Variants in EPHA6 observed in about 807,000 individuals in gnomAD.
EPHA6 encodes ephrin type-A receptor 6.
EPHA6 carries 50 observed loss-of-function variants against 112.0 expected under a neutral mutation model. The observed-to-expected ratio is 0.45, with a 90% CI of 0.36 to 0.56. EPHA6 has a LOEUF of 0.56. Among genes scored for constraint, EPHA6 ranks in the 20% least tolerant of loss-of-function variants. EPHA6 has a pLI of 0.00. For synonymous variants in EPHA6, 529 were observed against 490.7 expected (o/e 1.08, Z -1.03); for missense variants, 1,280 against 1,417.4 (o/e 0.90, Z 1.56).
chr3:96,877,724 C>T (rs2037057673), intron 2 of EPHA6, among the ~76,000 whole-genome samples: 1 of 150,522 alleles, frequency 6.6e-6, no homozygotes, highest in African/African-American at 2.4e-5. Context: ...AAAATCGATT[C>T]TTAAAATGAA....
At chr3:96,903,876 T>G (rs1048348613) in intron 2 of EPHA6, among the ~76,000 whole-genome samples, 2 of 152,092 alleles carry the variant, frequency 1.3e-5, no homozygotes, top group African/African-American at 4.8e-5. Flanking sequence ...TCACTGGCCA[T>G]CAGAGAAATG....
At chr3:97,460,634 G>A (rs2090855994) in intron 7 of EPHA6, among the ~76,000 whole-genome samples, 2 of 152,188 alleles carry the variant, frequency 1.3e-5, no homozygotes, top group South Asian at 4.1e-4. Context: ...TGCAGACATT[G>A]CCCCTGGCCA....
At chr3:97,577,479 A>G (rs2093397490) in intron 11 of EPHA6, among the ~76,000 whole-genome samples, 1 of 152,026 alleles carries the variant, frequency 6.6e-6, no homozygotes, top group African/African-American at 2.4e-5. Flanking sequence ...ACATCTAAGC[A>G]TCAGGCATTG....
chr3:96,959,775 CAAAA>C (rs372333198), intron 2 of EPHA6, among the ~76,000 whole-genome samples: 195 of 149,230 alleles, frequency 1.3e-3, no homozygotes, highest in African/African-American at 4.7e-3. Context: ...AACAGAAAAA[CAAAA>C]AAAATCAAAA....
At chr3:97,085,950 C>CTATATATATATATATATATATAT (rs2046885999) in intron 3 of EPHA6, among the ~76,000 whole-genome samples, 1 of 107,562 alleles carries the variant, frequency 9.3e-6, no homozygotes, top group Admixed American at 1.0e-4. Context: ...TATATATATA[C>CTATATATATATATATATATATAT]ACACTGAGAT....
intron 2 of EPHA6, among the ~76,000 whole-genome samples, chr3:96,937,704 T>C (rs2107675107): frequency 6.6e-6 from 1 of 152,264 alleles, no homozygotes; most frequent in South Asian, 2.1e-4. Flanking sequence ...CTGAATGGTA[T>C]TGCCTAGGTT....
rs553166701 is a variant in EPHA6, at chr3:97,496,576, C to A, written c.2200+12517C>A. Among the ~76,000 whole-genome samples the A allele has an allele frequency of 5.3e-5, 8 of 152,270 alleles. No individual in the cohort carries two copies. In the East Asian group the frequency reaches 1.4e-3, roughly 26 times the overall value. ...CCTTTATATTTATGAAGCCATACTT[C>A]TATAAGAATATCTTCTTCTGGCACT... On this transcript the variant is annotated intron_variant, in intron 10 of 17. Transcript: ENST00000389672.
intron 3 of EPHA6, among the ~76,000 whole-genome samples, chr3:97,093,311 G>T (rs1304765432): frequency 1.3e-5 from 2 of 152,154 alleles, no homozygotes; most frequent in African/African-American, 4.8e-5. Flanking sequence ...CATCTTGGGA[G>T]GCTGAGGTGG....
Position 97,226,319 on chromosome 3 carries a change from T to C in EPHA6, c.1170T>C (p.Cys390=), listed in dbSNP as rs2078355043. The part of the protein sequence containing the change: ...AFAGNTKCSK[C]PPHSLTYMEA... ...CTGGGAACACAAAATGTTCTAAATGTCCTCCACACAGTTTAACATACATGG... is the reference window on the plus strand; with the variant it reads ...CTGGGAACACAAAATGTTCTAAATGCCCTCCACACAGTTTAACATACATGG... The change falls in exon 4 of 18, where the codon TGT becomes TGC. Residue 390 remains cysteine, a synonymous_variant. Coordinates refer to ENST00000389672, the MANE Select transcript of EPHA6 (RefSeq NM_001080448.3). 1.9e-6 allele frequency: 3 copies of C among 1,613,168 alleles called. No individual in the cohort carries two copies. The highest frequency in any genetic ancestry group is 1.7e-5 in the Admixed American group (1 of 59,946).
chr3:96,873,665 C>A (rs1308862441), intron 2 of EPHA6, among the ~76,000 whole-genome samples: 2 of 152,030 alleles, frequency 1.3e-5, no homozygotes, highest in Non-Finnish European at 2.9e-5. Flanking sequence ...CTTTACATGA[C>A]ATTGTTGCTA....
At chr3:96,943,444 T>A (rs1366670680) in intron 2 of EPHA6, among the ~76,000 whole-genome samples, 1 of 152,178 alleles carries the variant, frequency 6.6e-6, no homozygotes, top group African/African-American at 2.4e-5. Flanking sequence ...CACAAAGATT[T>A]TTAATATCCT....
intron 12 of EPHA6, among the ~76,000 whole-genome samples, chr3:97,593,052 C>T (rs998924790): frequency 6.6e-6 from 1 of 152,112 alleles, no homozygotes; most frequent in Non-Finnish European, 1.5e-5. Flanking sequence ...ACTTCAGACA[C>T]TTTGCCACTT....
At chr3:97,171,329 ACT>A (rs1328527241) in intron 3 of EPHA6, among the ~76,000 whole-genome samples, 6 of 152,178 alleles carry the variant, frequency 3.9e-5, no homozygotes, top group Non-Finnish European at 8.8e-5. Context: ...TAAAGCTTAA[ACT>A]TTTTTGAATC....
At chr3:97,536,605 G>C (rs1190321286) in intron 11 of EPHA6, among the ~76,000 whole-genome samples, 1 of 152,146 alleles carries the variant, frequency 6.6e-6, no homozygotes, top group Non-Finnish European at 1.5e-5. Context: ...AATATTGTGG[G>C]TTCCTTCTGG....
chr3:97,124,366 T>C (rs1056875088), intron 3 of EPHA6, among the ~76,000 whole-genome samples: 1 of 151,852 alleles, frequency 6.6e-6, no homozygotes, highest in Non-Finnish European at 1.5e-5. Flanking sequence ...GAGTATTTTA[T>C]TAAGGATTTT....
At chr3:96,963,707 A>AAAGTGGTGG (rs2042026081) in intron 2 of EPHA6, among the ~76,000 whole-genome samples, 1 of 152,206 alleles carries the variant, frequency 6.6e-6, no homozygotes, top group Non-Finnish European at 1.5e-5. Context: ...CAGATATGCC[A>AAAGTGGTGG]GAATACAAAG....
In EPHA6 at chr3:97,081,091, G is replaced by GA. The variant is rs11365924; in HGVS notation, c.1114+93108dup. On this transcript the variant is annotated intron_variant, in intron 3 of 17. Transcript: ENST00000389672. ...CAACATAATGCCATATTCATATATG[G>GA]AAAAAAAAAAGATTTTTGTCAAATT... Among the ~76,000 whole-genome samples, 249 of 146,546 alleles carry GA rather than the reference G, an allele frequency of 1.7e-3. 2 individuals are homozygous for GA. Among genetic ancestry groups the GA allele is most frequent in the Non-Finnish European group, 3.0e-3 (198 of 65,944 alleles).
chr3:97,084,435 A>G (rs531170073), intron 3 of EPHA6, among the ~76,000 whole-genome samples: 1 of 151,906 alleles, frequency 6.6e-6, no homozygotes, highest in East Asian at 1.9e-4. Context: ...ATATCATACT[A>G]GAAATGCTGT....
At chr3:96,913,713 C>T (rs1014756313) in intron 2 of EPHA6, among the ~76,000 whole-genome samples, 2 of 152,022 alleles carry the variant, frequency 1.3e-5, no homozygotes, top group African/African-American at 4.8e-5. Flanking sequence ...TGTACTAGTA[C>T]TCAATAAGTA....
Sources: allele counts gnomAD v4.1 joint callset (sites outside exome capture counted in the v4.1 genomes callset), GRCh38; gene constraint gnomAD v4.1.1; transcripts MANE v1.5; gene names NCBI Gene and HGNC (gene_info 2026-07-23, HGNC 2026-07-21).